MCPH1: variants seen among roughly 807,000 people sequenced by gnomAD.
MCPH1 encodes microcephalin.
MCPH1 carries 104 observed loss-of-function variants against 84.5 expected under a neutral mutation model. The ratio of observed to expected loss-of-function variants is 1.23; its 90% CI spans 1.05 to 1.45. The LOEUF (loss-of-function observed/expected upper bound fraction) is 1.45. Ranked by LOEUF, MCPH1 falls within the 40% of genes most tolerant of loss-of-function variation. The pLI is 0.00. For missense variants in MCPH1, 1,498 were observed against 1,005.7 expected (o/e 1.49, Z -6.62); for synonymous variants, 514 against 366.8 (o/e 1.40, Z -4.58).
chr8:6,446,194 C>T, intron 8 of MCPH1: 1 of 889,680 alleles, frequency 1.1e-6, no homozygotes, highest in South Asian at 5.2e-5. Context: ...TATAATAAAC[C>T]ATATCATTTT....
chr8:6,457,400 CAT>C (rs879850566), intron 9 of MCPH1, among the ~76,000 whole-genome samples: 1 of 151,906 alleles, frequency 6.6e-6, no homozygotes, highest in Non-Finnish European at 1.5e-5. Context: ...GCCTGGCCAA[CAT>C]GGCAAAACCC....
At chr8:6,431,427 T>C in intron 3 of MCPH1, 72 bp from the exon 4 acceptor site, 1 of 1,115,480 alleles carries the variant, frequency 9.0e-7, no homozygotes, top group Non-Finnish European at 1.4e-6. Context: ...CTAATACATG[T>C]GCAGATTTAG....
intron 12 of MCPH1, among the ~76,000 whole-genome samples, chr8:6,505,709 GTATATATATTC>G (rs1342734426): frequency 2.5e-4 from 20 of 80,668 alleles, no homozygotes; most frequent in East Asian, 5.1e-4. Flanking sequence ...TCTTTATTAC[GTATATATATTC>G]TATATATATT....
rs760208686 is a variant in MCPH1 at position 6,444,520 on chromosome 8, A to C, written c.798A>C (p.Ser266=). Residue 266 remains serine (S), a synonymous_variant, in exon 8 of 14, where the codon TCA becomes TCC. Transcript: ENST00000344683. ...TTAAAAGTGATGTGTGTATTTCTTC[A>C]CTTGTATTGAAAGCAAATAATATTC... The part of the protein sequence containing the change: ...NDIKSDVCIS[S]LVLKANNIHS... The C allele has an allele frequency of 3.7e-6, 6 of 1,614,068 alleles. No homozygotes were observed. The South Asian group carries it at 5.5e-5, about 15-fold the overall frequency.
At chr8:6,584,979 A>T (rs1827853380) in intron 12 of MCPH1, among the ~76,000 whole-genome samples, 1 of 152,246 alleles carries the variant, frequency 6.6e-6, no homozygotes, top group African/African-American at 2.4e-5. Flanking sequence ...AATTTTGATT[A>T]GCAAGGCTCA....
intron 12 of MCPH1, chr8:6,616,118 G>A (rs1231240468): frequency 6.6e-6 from 1 of 152,176 alleles, no homozygotes; most frequent in East Asian, 1.9e-4. Context: ...TGTAAGGCCT[G>A]CGAGTATTTC....
At chr8:6,423,173 C>T (rs565598109) in intron 3 of MCPH1, among the ~76,000 whole-genome samples, 1 of 143,856 alleles carries the variant, frequency 7.0e-6, no homozygotes, top group South Asian at 2.2e-4. Context: ...AATCTTTTGG[C>T]ATTTTTCTTT....
intron 9 of MCPH1, among the ~76,000 whole-genome samples, chr8:6,457,401 A>C (rs1375669): frequency 6.6e-6 from 1 of 151,884 alleles, no homozygotes; most frequent in Non-Finnish European, 1.5e-5. Context: ...CCTGGCCAAC[A>C]TGGCAAAACC....
intron 8 of MCPH1, among the ~76,000 whole-genome samples, chr8:6,448,130 G>A (rs1804661349): frequency 1.3e-5 from 2 of 152,116 alleles, no homozygotes. Flanking sequence ...GTAAATAAGT[G>A]TATAACAATG....
intron 4 of MCPH1, 101 bp from the exon 5 acceptor site, chr8:6,435,947 A>G (rs1233941989): frequency 1.4e-6 from 2 of 1,393,202 alleles, no homozygotes; most frequent in African/African-American, 1.5e-5. Flanking sequence ...ATTTTTTATT[A>G]CTGATGTTAT....
At chr8:6,498,255 T>G (rs1811506343) in intron 11 of MCPH1, among the ~76,000 whole-genome samples, 1 of 152,234 alleles carries the variant, frequency 6.6e-6, no homozygotes, top group Non-Finnish European at 1.5e-5. Flanking sequence ...CAACCTTTTG[T>G]TTTTAAGTTT....
intron 12 of MCPH1, chr8:6,562,640 T>C: frequency 7.2e-7 from 1 of 1,388,116 alleles, no homozygotes; most frequent in Non-Finnish European, 9.7e-7. Context: ...ATGGATTTTT[T>C]TCCTACCTTC....
chr8:6,625,803 A>T (rs1418327407), intron 13 of MCPH1: 6 of 985,046 alleles, frequency 6.1e-6, no homozygotes, highest in Non-Finnish European at 7.2e-6. Context: ...AAAAAAAAGA[A>T]TCATTTTTCA....
intron 3 of MCPH1, among the ~76,000 whole-genome samples, chr8:6,419,485 C>G (rs555924899): frequency 6.6e-6 from 1 of 152,056 alleles, no homozygotes; most frequent in African/African-American, 2.4e-5. Flanking sequence ...CTCTGCCTCC[C>G]AGGTTCATGC....
chr8:6,580,128 C>T (rs931934294), intron 12 of MCPH1, among the ~76,000 whole-genome samples: 8 of 152,168 alleles, frequency 5.3e-5, no homozygotes, highest in Non-Finnish European at 1.0e-4. Context: ...TCGGTAGACG[C>T]TATGGTGGGA....
At chr8:6,625,666 C>T in intron 13 of MCPH1, 1 of 985,068 alleles carries the variant, frequency 1.0e-6, no homozygotes, top group Non-Finnish European at 1.2e-6. Flanking sequence ...GCGTGGTGGC[C>T]CATGCCTGTT....
At position 6,444,428 on chromosome 8, in the gene MCPH1, G is replaced by C. The variant is rs886063057; in HGVS notation, c.706G>C (p.Asp236His). 13 of 1,614,020 alleles carry C rather than the reference G, an allele frequency of 8.1e-6. No homozygotes were observed. The highest frequency in any genetic ancestry group is 1.0e-5 in the Non-Finnish European group (12 of 1,180,022). The change falls in exon 8 of 14, where the codon GAT (aspartate) becomes CAT (histidine). Residue 236 changes from aspartate to histidine, a missense_variant. Transcript: ENST00000344683. ...TGCTGGTGGCTTACACTCATCTTTT[G>C]ATGATCTTTGTGGAAACTCAGGATG... ...YFAGGLHSSF[D>H]DLCGNSGCGN...
chr8:6,466,019 A>G (rs1296935831), intron 9 of MCPH1, among the ~76,000 whole-genome samples: 2 of 151,672 alleles, frequency 1.3e-5, no homozygotes, highest in African/African-American at 2.4e-5. Flanking sequence ...CAGTGGCGCT[A>G]TCTTGGCTCA....
At chr8:6,516,560 C>G (rs903574704) in intron 12 of MCPH1, among the ~76,000 whole-genome samples, 1 of 152,204 alleles carries the variant, frequency 6.6e-6, no homozygotes, top group African/African-American at 2.4e-5. Context: ...AATACTGCCT[C>G]TTATTTGCCT....
Sources: allele counts gnomAD v4.1 joint callset (sites outside exome capture counted in the v4.1 genomes callset), GRCh38; gene constraint gnomAD v4.1.1; transcripts MANE v1.5; gene names NCBI Gene and HGNC (gene_info 2026-07-23, HGNC 2026-07-21).